Variants in SCFD2 observed in about 807,000 individuals in gnomAD.
SCFD2 encodes the protein sec1 family domain-containing protein 2.
SCFD2 carries 54 observed loss-of-function variants against 58.9 expected under a neutral mutation model. The observed-to-expected ratio is 0.92, with a 90% CI of 0.74 to 1.15. The LOEUF is 1.15. Among genes scored for constraint, SCFD2 ranks in the 50% most tolerant of loss-of-function variants. The probability of loss-of-function intolerance (pLI) is 0.00; values close to 1 mark genes in which losing one functional copy is unlikely to be tolerated. For synonymous variants in SCFD2, 321 were observed against 335.9 expected, an observed-to-expected ratio of 0.96 and a Z score of 0.49; for missense variants, 805 against 836.6, an observed-to-expected ratio of 0.96 and a Z score of 0.47.
intron 3 of SCFD2, among the ~76,000 whole-genome samples, chr4:53,289,799 T>A (rs755785818): frequency 5.3e-5 from 8 of 152,056 alleles, no homozygotes; most frequent in Admixed American, 2.6e-4. Flanking sequence ...ATAATTCCTG[T>A]AAAAAGTAAC....
intron 5 of SCFD2, among the ~76,000 whole-genome samples, chr4:52,965,873 C>CT (rs1199909694): frequency 2.0e-5 from 3 of 152,194 alleles, no homozygotes; most frequent in Non-Finnish European, 2.9e-5. Context: ...AAAAACTTGA[C>CT]TCTGGTGTCT....
chr4:53,190,167 C>T (rs1289088689), intron 4 of SCFD2, among the ~76,000 whole-genome samples: 3 of 152,190 alleles, frequency 2.0e-5, no homozygotes, highest in Non-Finnish European at 4.4e-5. Flanking sequence ...TTATCTTCAA[C>T]AGGCACAAAA....
At chr4:53,281,166 G>C (rs191470672) in intron 3 of SCFD2, among the ~76,000 whole-genome samples, 2 of 152,286 alleles carry the variant, frequency 1.3e-5, no homozygotes, top group East Asian at 3.9e-4. Context: ...ACAAGCTACT[G>C]TAAACTCTTT....
intron 5 of SCFD2, among the ~76,000 whole-genome samples, chr4:53,048,220 G>A (rs1290024491): frequency 2.6e-5 from 4 of 152,154 alleles, no homozygotes; most frequent in South Asian, 2.1e-4. Context: ...GTGTGGTGGT[G>A]TGTGCCTGTA....
rs528944935 is a variant in SCFD2 at position 52,979,513 on chromosome 4, T to C, written c.1562-58643A>G. On this transcript the variant is annotated intron_variant, in intron 5 of 8. Coordinates refer to ENST00000401642, the MANE Select transcript of SCFD2 (RefSeq NM_152540.4). ...TGTCTTGGGTGATTGAAATCATTAA[T>C]TCAGAAATAACAAGGTCAGTCTTGC... is the stretch of plus-strand genomic sequence containing the variant. 6.6e-5 allele frequency among the ~76,000 whole-genome samples: 10 copies of C among 152,158 alleles called. No homozygotes were observed. The South Asian group carries it at 1.9e-3, about 28-fold the overall frequency.
At chr4:52,899,075 C>T (rs1369369281) in intron 7 of SCFD2, among the ~76,000 whole-genome samples, 1 of 152,210 alleles carries the variant, frequency 6.6e-6, no homozygotes, top group Non-Finnish European at 1.5e-5. Flanking sequence ...CTGAATACAG[C>T]ACACTGATGG....
chr4:53,297,238 T>C (rs28832663), intron 3 of SCFD2, among the ~76,000 whole-genome samples: 89,078 of 151,894 alleles, frequency 0.59, 26,326 homozygotes, highest in Middle Eastern at 0.66. Flanking sequence ...GAAAGCAGCA[T>C]GTTAAAGTCT....
chr4:53,169,544 G>A (rs1271665176), intron 4 of SCFD2, among the ~76,000 whole-genome samples: 3 of 151,806 alleles, frequency 2.0e-5, no homozygotes, highest in African/African-American at 4.8e-5. Flanking sequence ...TGGCAATTTC[G>A]TTTGCTTTGG....
chr4:53,154,832 TGA>T (rs147869774), intron 4 of SCFD2, among the ~76,000 whole-genome samples: 29,531 of 151,968 alleles, frequency 0.19, 3,032 homozygotes, highest in Admixed American at 0.26. Context: ...CTGGCTGTGC[TGA>T]GAGAGAGAGA....
intron 5 of SCFD2, among the ~76,000 whole-genome samples, chr4:52,944,487 A>T (rs1720372363): frequency 6.6e-6 from 1 of 152,200 alleles, no homozygotes; most frequent in Admixed American, 6.5e-5. Flanking sequence ...ATAGCTAACT[A>T]TATTATTCAG....
chr4:53,211,174 C>T (rs758375980), intron 4 of SCFD2, among the ~76,000 whole-genome samples: 13 of 150,340 alleles, frequency 8.6e-5, no homozygotes, highest in African/African-American at 2.0e-4. Context: ...ACCCGGGGGG[C>T]GGAGGTTGCA....
chr4:53,184,913 T>C (rs1727695629), intron 4 of SCFD2, among the ~76,000 whole-genome samples: 1 of 152,130 alleles, frequency 6.6e-6, no homozygotes, highest in African/African-American at 2.4e-5. Flanking sequence ...GCATTCTCTT[T>C]GTAGATGGAT....
intron 5 of SCFD2, among the ~76,000 whole-genome samples, chr4:53,133,179 T>C (rs1281380681): frequency 6.6e-6 from 1 of 151,780 alleles, no homozygotes; most frequent in Non-Finnish European, 1.5e-5. Flanking sequence ...ATACAAGAAA[T>C]TAGCCGGGCG....
chr4:53,319,534 T>C (rs1229489571), intron 2 of SCFD2, among the ~76,000 whole-genome samples: 3 of 113,450 alleles, frequency 2.6e-5, no homozygotes, highest in Non-Finnish European at 3.7e-5. Flanking sequence ...GCCTCTACTT[T>C]TTTTCTTTTT....
At chr4:53,237,984 G>A (rs1268471955) in intron 4 of SCFD2, among the ~76,000 whole-genome samples, 15 of 133,290 alleles carry the variant, frequency 1.1e-4, no homozygotes, top group African/African-American at 3.9e-4. Flanking sequence ...CCCGGACGGG[G>A]CGGCTGGCCG....
intron 5 of SCFD2, chr4:52,958,092 GA>G (rs1720752911): frequency 6.6e-6 from 1 of 151,988 alleles, no homozygotes; most frequent in Non-Finnish European, 1.5e-5. Flanking sequence ...AGACACAAAG[GA>G]AAAAACGTTC....
intron 4 of SCFD2, among the ~76,000 whole-genome samples, chr4:53,256,374 G>A (rs1175010136): frequency 3.3e-5 from 5 of 151,752 alleles, no homozygotes; most frequent in South Asian, 4.2e-4. Flanking sequence ...GATGGCGGCC[G>A]GGCAGAGACG....
At chr4:53,233,746 A>G (rs1244756771) in intron 4 of SCFD2, among the ~76,000 whole-genome samples, 1 of 152,210 alleles carries the variant, frequency 6.6e-6, no homozygotes, top group Non-Finnish European at 1.5e-5. Flanking sequence ...ATTCAAAAAT[A>G]CAATACTTTA....
chr4:52,922,016 A>C (rs1411937576), intron 5 of SCFD2, among the ~76,000 whole-genome samples: 1 of 151,758 alleles, frequency 6.6e-6, no homozygotes, highest in Non-Finnish European at 1.5e-5. Flanking sequence ...CACAACATCA[A>C]CTCACCCATT....
Sources: allele counts gnomAD v4.1 joint callset (sites outside exome capture counted in the v4.1 genomes callset), GRCh38; gene constraint gnomAD v4.1.1; transcripts MANE v1.5; gene names NCBI Gene and HGNC (gene_info 2026-07-23, HGNC 2026-07-21).